The following MATR3 variants were observed in gnomAD, a reference collection of about 807,000 sequenced individuals.
MATR3 encodes the protein matrin-3.
MATR3 carries 4 observed loss-of-function variants against 85.5 expected under a neutral mutation model. The observed-to-expected ratio is 0.05, with a 90% CI of 0.02 to 0.11. The LOEUF (loss-of-function observed/expected upper bound fraction) is 0.11, where lower values mean the gene tolerates loss of function less well. Among genes scored for constraint, MATR3 ranks in the 10% least tolerant of loss-of-function variants. The probability of loss-of-function intolerance (pLI) is 1.00; values close to 1 mark genes in which losing one functional copy is unlikely to be tolerated. For synonymous variants in MATR3, 336 were observed against 343.1 expected, an observed-to-expected ratio of 0.98 and a Z score of 0.23; for missense variants, 685 against 1,016.1, an observed-to-expected ratio of 0.67 and a Z score of 4.43.
At chr5:139,320,954 T>G (rs2009407) in intron 9 of MATR3, among the ~76,000 whole-genome samples, 79,940 of 145,480 alleles carry the variant, frequency 0.55, 24,581 homozygotes, top group Non-Finnish European at 0.7. Flanking sequence ...TAGAGACGGG[T>G]TTCACCATCC....
At position 139,330,193 on chromosome 5, in the gene MATR3, CA is replaced by C. The variant is rs1465989494; in HGVS notation, c.*800del. 2.2e-6 allele frequency: 1 copy of C among 454,368 alleles called. No individual in the cohort carries two copies. Among genetic ancestry groups the C allele is most frequent in the South Asian group, 1.6e-5 (1 of 64,466 alleles). The allele number at this position is 454,368 out of a possible 1,614,324, so 28.1% of individuals were successfully genotyped here. ...TGTGTAGACCATCTCTTCATATTTT[CA>C]AGATGTAATTTTACATTTCTGCATT... is the stretch of plus-strand genomic sequence containing the variant. On this transcript the variant is annotated 3_prime_UTR_variant, in exon 15 of 15. Transcript: ENST00000394805.
intron 1 of MATR3, among the ~76,000 whole-genome samples, chr5:139,306,001 A>G (rs1163204321): frequency 6.6e-6 from 1 of 152,192 alleles, no homozygotes; most frequent in Non-Finnish European, 1.5e-5. Flanking sequence ...AAAGTTTCAC[A>G]TATTAAGCTA....
At chr5:139,300,435 A>G (rs147332155) in intron 1 of MATR3, among the ~76,000 whole-genome samples, 49 of 152,352 alleles carry the variant, frequency 3.2e-4, no homozygotes, top group Non-Finnish European at 5.9e-4. Flanking sequence ...GTATGACATT[A>G]AAGTTGATAC....
chr5:139,324,731 A>T (rs1755759192), intron 12 of MATR3, among the ~76,000 whole-genome samples: 1 of 152,224 alleles, frequency 6.6e-6, no homozygotes. Flanking sequence ...GCAGCATTGT[A>T]GTCTCAGAAA....
At chr5:139,316,993 A>T in intron 5 of MATR3, 60 bp from the exon 6 acceptor site, 1 of 1,412,040 alleles carries the variant, frequency 7.1e-7, no homozygotes, top group Non-Finnish European at 1.0e-6. Flanking sequence ...TTTTCAGTAA[A>T]ATTGCTTCTT....
chr5:139,297,634 A>G (rs1036401566), intron 1 of MATR3, among the ~76,000 whole-genome samples: 1 of 152,188 alleles, frequency 6.6e-6, no homozygotes, highest in African/African-American at 2.4e-5. Flanking sequence ...CCTGAATATA[A>G]TTTATTACTG....
chr5:139,279,154 G>T lies in MATR3; in HGVS notation c.-178+25G>T, dbSNP rs1162884016. 4.0e-5 allele frequency: 18 copies of T among 453,910 alleles called. No individual in the cohort carries two copies. In the Admixed American group the frequency reaches 4.2e-4, roughly 11 times the overall value. 28.1% of individuals were successfully genotyped at this position (453,910 alleles called of 1,614,324 possible). A position where few individuals can be genotyped will look rare whatever the true frequency, so the allele number is the denominator to read the frequency against. On this transcript the variant is annotated intron_variant, in intron 3 of 16. Transcript: ENST00000509990. ...CGTATGTAGTCTTCTTGTCATGTAG[G>T]TCCCAATTAAATTACTATAGCTCAG...
intron 1 of MATR3, among the ~76,000 whole-genome samples, chr5:139,301,058 TC>T (rs1257240166): frequency 6.6e-6 from 1 of 152,084 alleles, no homozygotes; most frequent in Admixed American, 6.5e-5. Context: ...TAAGTGATTC[TC>T]CCACCTCAGC....
chr5:139,275,818 T>C (rs762834124), intron 1 of MATR3, among the ~76,000 whole-genome samples: 7 of 152,178 alleles, frequency 4.6e-5, no homozygotes, highest in Non-Finnish European at 1.0e-4. Context: ...AATACCTCCA[T>C]TCTACAAATG....
At chr5:139,293,734 GA>G (rs1233756016), upstream of MATR3, 1 of 369,606 alleles carries the variant, frequency 2.7e-6, no homozygotes, top group East Asian at 3.9e-5. Flanking sequence ...TGCTGCGGGG[GA>G]TTGTGGGAGT....
intron 2 of MATR3, among the ~76,000 whole-genome samples, chr5:139,308,761 C>CT (rs1310924672): frequency 2.0e-5 from 3 of 152,198 alleles, no homozygotes; most frequent in South Asian, 2.1e-4. Context: ...GAACAATTCT[C>CT]TTTTTTTCCT....
At chr5:139,306,607 C>A (rs1196398875) in intron 1 of MATR3, among the ~76,000 whole-genome samples, 1 of 152,152 alleles carries the variant, frequency 6.6e-6, no homozygotes, top group Admixed American at 6.5e-5. Context: ...AGTTGTATAA[C>A]TTAAATTTGG....
At chr5:139,328,855 A>G (rs528134163) in intron 14 of MATR3, among the ~76,000 whole-genome samples, 2 of 152,264 alleles carry the variant, frequency 1.3e-5, no homozygotes, top group African/African-American at 2.4e-5. Flanking sequence ...GTACAAAAAA[A>G]TTAACTGGGC....
intron 12 of MATR3, among the ~76,000 whole-genome samples, chr5:139,323,578 C>G (rs1317589214): frequency 6.6e-6 from 1 of 152,154 alleles, no homozygotes; most frequent in Non-Finnish European, 1.5e-5. Context: ...ATTAAAATGC[C>G]TTTGAGGCAA....
At chr5:139,323,263 G>A (rs1201938188) in intron 12 of MATR3, among the ~76,000 whole-genome samples, 1 of 152,068 alleles carries the variant, frequency 6.6e-6, no homozygotes, top group African/African-American at 2.4e-5. Flanking sequence ...TAGCATATAG[G>A]TAGGCAGCCT....
chr5:139,275,704 G>A (rs1476951836), intron 1 of MATR3, among the ~76,000 whole-genome samples: 1 of 152,170 alleles, frequency 6.6e-6, no homozygotes, highest in Non-Finnish European at 1.5e-5. Context: ...TACTCAGGAG[G>A]CTGAGGTAGG....
At chr5:139,303,843 T>C (rs1754578028) in intron 1 of MATR3, among the ~76,000 whole-genome samples, 2 of 152,196 alleles carry the variant, frequency 1.3e-5, no homozygotes, top group African/African-American at 2.4e-5. Context: ...CTGCTAGATA[T>C]TACTCTGAAA....
At position 139,323,839 on chromosome 5, in the gene MATR3, C is replaced by A. The variant is rs138997440; in HGVS notation, c.2148+872C>A. Among the ~76,000 whole-genome samples, 499 of 151,992 alleles carry A rather than the reference C, an allele frequency of 3.3e-3. 2 individuals carry two copies. The highest frequency in any genetic ancestry group is 0.011 in the African/African-American group (443 of 41,442). ...CTGGGAGGCAGAAGTTGCAGTTAGC[C>A]AAGATCACATCACTGTACTCCAGCC... On this transcript the variant is annotated intron_variant, in intron 12 of 14. Coordinates refer to ENST00000394805, the MANE Select transcript of MATR3 (RefSeq NM_018834.6).
At chr5:139,316,821 C>T (rs1247012848) in intron 5 of MATR3, among the ~76,000 whole-genome samples, 7 of 152,104 alleles carry the variant, frequency 4.6e-5, no homozygotes. Flanking sequence ...GCTGGGATTA[C>T]AGGTTTGAGT....
Sources: gnomAD v4.1 joint callset for allele counts (sites outside exome capture counted in the v4.1 genomes callset) on GRCh38, gnomAD v4.1.1 for gene constraint, MANE v1.5 for transcripts, NCBI Gene and HGNC (gene_info 2026-07-23, HGNC 2026-07-21) for gene names.